The following ARHGAP10 variants were observed in gnomAD, a reference collection of about 807,000 sequenced individuals.
The protein encoded by ARHGAP10 is Rho GTPase activating protein 10.
In ARHGAP10, 87 loss-of-function variants were observed where a neutral mutation model predicts 108.6. That is an observed-to-expected ratio of 0.80 (90% CI 0.67 to 0.96). The LOEUF is 0.96. Among genes scored for constraint, ARHGAP10 ranks in the 40% least tolerant of loss-of-function variants. The pLI is 0.00. For synonymous variants in ARHGAP10, 347 were observed against 341.1 expected, an observed-to-expected ratio of 1.02 and a Z score of -0.19; for missense variants, 939 against 954.5, an observed-to-expected ratio of 0.98 and a Z score of 0.21.
intron 1 of ARHGAP10, among the ~76,000 whole-genome samples, chr4:147,753,147 T>C (rs935035248): frequency 9.9e-5 from 15 of 152,154 alleles, no homozygotes; most frequent in African/African-American, 3.6e-4. Flanking sequence ...TTAGTAAACC[T>C]CAATTTGCGT....
chr4:147,856,281 T>TTTCTTA (rs1734078283), intron 4 of ARHGAP10, among the ~76,000 whole-genome samples: 1 of 152,250 alleles, frequency 6.6e-6, no homozygotes, highest in South Asian at 2.1e-4. Flanking sequence ...GAAATGTTTG[T>TTTCTTA]GATGTTAACC....
At chr4:148,019,721 C>T (rs1232193322) in intron 18 of ARHGAP10, among the ~76,000 whole-genome samples, 3 of 151,242 alleles carry the variant, frequency 2.0e-5, no homozygotes, top group East Asian at 1.9e-4. Flanking sequence ...GCCGAGATCG[C>T]GCCATTGCAC....
intron 18 of ARHGAP10, among the ~76,000 whole-genome samples, chr4:148,013,557 G>C (rs185415833): frequency 1.2e-3 from 187 of 152,152 alleles, no homozygotes; most frequent in Admixed American, 4.3e-3. Context: ...GCATGGTGGC[G>C]GGCGCCTGTA....
chr4:147,840,522 C>T (rs994170084), intron 3 of ARHGAP10, among the ~76,000 whole-genome samples: 1 of 152,122 alleles, frequency 6.6e-6, no homozygotes, highest in Admixed American at 6.5e-5. Context: ...GAGGTAAGCT[C>T]TAATCTAACG....
chr4:147,787,220 C>A (rs1730924203), intron 1 of ARHGAP10, among the ~76,000 whole-genome samples: 1 of 152,110 alleles, frequency 6.6e-6, no homozygotes, highest in Non-Finnish European at 1.5e-5. Flanking sequence ...GTGTGACATT[C>A]TGGTAGAAGT....
intron 5 of ARHGAP10, among the ~76,000 whole-genome samples, chr4:147,859,054 T>C (rs1256751861): frequency 6.6e-6 from 1 of 152,162 alleles, no homozygotes; most frequent in Non-Finnish European, 1.5e-5. Context: ...ATCCTATATG[T>C]TCTGCACCCA....
At position 147,847,140 on chromosome 4, in the gene ARHGAP10, T is replaced by C; in HGVS notation, c.313-11T>C. On this transcript the variant is annotated splice_polypyrimidine_tract_variant and intron_variant, in intron 3 of 22. Transcript: ENST00000336498. Reference sequence around the variant, plus strand: ...ATGCTGTGCTCTTTTGTTATCACTCTTGTTCTCTAGGCATTAAGTGTAACT... The same window carrying C: ...ATGCTGTGCTCTTTTGTTATCACTCCTGTTCTCTAGGCATTAAGTGTAACT... 1.9e-6 allele frequency: 3 copies of C among 1,608,992 alleles called. No individual in the cohort carries two copies. The highest frequency in any genetic ancestry group is 2.2e-5 in the East Asian group (1 of 44,850).
chr4:147,777,510 C>T (rs1730348748), intron 1 of ARHGAP10, among the ~76,000 whole-genome samples: 1 of 152,148 alleles, frequency 6.6e-6, no homozygotes, highest in Non-Finnish European at 1.5e-5. Flanking sequence ...ATCTGCCTGC[C>T]TCCCAGAGTG....
chr4:147,966,543 A>T, intron 17 of ARHGAP10, 137 bp from the exon 18 acceptor site: 1 of 713,538 alleles, frequency 1.4e-6, no homozygotes, highest in Non-Finnish European at 2.2e-6. Context: ...AGATCTGGTT[A>T]TTTCAGAGGT....
At chr4:147,854,388 C>T (rs964662042) in intron 4 of ARHGAP10, among the ~76,000 whole-genome samples, 5 of 152,090 alleles carry the variant, frequency 3.3e-5, no homozygotes, top group African/African-American at 9.7e-5. Flanking sequence ...CTGGAGTAGA[C>T]GAGGACTATC....
At chr4:147,845,396 C>T (rs1021270870) in intron 3 of ARHGAP10, among the ~76,000 whole-genome samples, 5 of 152,230 alleles carry the variant, frequency 3.3e-5, no homozygotes, top group African/African-American at 1.2e-4. Flanking sequence ...TTGTTTTGTT[C>T]ATAGCTGTAT....
intron 10 of ARHGAP10, among the ~76,000 whole-genome samples, chr4:147,905,907 A>C (rs969973170): frequency 2.0e-5 from 3 of 152,042 alleles, no homozygotes; most frequent in African/African-American, 2.4e-5. Context: ...CTTTTCTTTC[A>C]TTGAGCAGTG....
chr4:148,018,713 A>G (rs1477444173), intron 18 of ARHGAP10, among the ~76,000 whole-genome samples: 1 of 152,214 alleles, frequency 6.6e-6, no homozygotes, highest in African/African-American at 2.4e-5. Context: ...CTAAACAGAT[A>G]TAAGACAGTA....
rs200385925 is a variant in ARHGAP10, at chr4:147,743,771, CCTT to C, written c.154+11319_154+11321del. 6.5e-3 allele frequency among the ~76,000 whole-genome samples: 983 copies of C among 152,110 alleles called. 10 individuals carry two copies. Among genetic ancestry groups the C allele is most frequent in the African/African-American group, 0.023 (938 of 41,488 alleles). Reference sequence around the variant, plus strand: ...CAGCCTGGGCAACAAGAGTGAAACTCCTTCTCAAAAAAATAAATAAATACATAA... The same window carrying C: ...CAGCCTGGGCAACAAGAGTGAAACTCCTCAAAAAAATAAATAAATACATAA... On this transcript the variant is annotated intron_variant, in intron 1 of 22. Coordinates refer to ENST00000336498, the MANE Select transcript of ARHGAP10 (RefSeq NM_024605.4).
intron 18 of ARHGAP10, among the ~76,000 whole-genome samples, chr4:147,997,063 C>G (rs553269155): frequency 6.6e-6 from 1 of 152,314 alleles, no homozygotes; most frequent in South Asian, 2.1e-4. Flanking sequence ...ACTGAGCAGG[C>G]AAAACTGTAG....
chr4:147,838,657 T>G (rs1009265599), intron 3 of ARHGAP10, among the ~76,000 whole-genome samples: 1 of 152,140 alleles, frequency 6.6e-6, no homozygotes, highest in Admixed American at 6.6e-5. Flanking sequence ...CTCAGCCTCC[T>G]GGGTAGCTGA....
intron 13 of ARHGAP10, among the ~76,000 whole-genome samples, chr4:147,935,158 T>C (rs1163661183): frequency 6.6e-6 from 1 of 152,090 alleles, no homozygotes; most frequent in East Asian, 1.9e-4. Context: ...GGTCGAGCTG[T>C]CTGTTGTGAT....
At chr4:147,790,177 G>T (rs998911181) in intron 1 of ARHGAP10, among the ~76,000 whole-genome samples, 1 of 151,862 alleles carries the variant, frequency 6.6e-6, no homozygotes, top group Non-Finnish European at 1.5e-5. Context: ...TGACTTGCAC[G>T]CCACCTTCTT....
At chr4:147,914,946 A>C (rs1160887400) in intron 13 of ARHGAP10, among the ~76,000 whole-genome samples, 2 of 152,138 alleles carry the variant, frequency 1.3e-5, no homozygotes, top group South Asian at 2.1e-4. Flanking sequence ...AAAACAGGCT[A>C]TTTCTGGAGG....
Sources: gnomAD v4.1 joint callset for allele counts (sites outside exome capture counted in the v4.1 genomes callset) on GRCh38, gnomAD v4.1.1 for gene constraint, MANE v1.5 for transcripts, NCBI Gene and HGNC (gene_info 2026-07-23, HGNC 2026-07-21) for gene names.